The following BNC2 variants were observed in gnomAD, a reference collection of about 807,000 sequenced individuals.
The protein encoded by BNC2 is zinc finger protein basonuclin-2.
In BNC2, 20 loss-of-function variants were observed where a neutral mutation model predicts 76.3. The ratio of observed to expected loss-of-function variants is 0.26; its 90% confidence interval spans 0.18 to 0.38. The LOEUF is 0.38. BNC2 is among the 10% of genes least tolerant of loss of function. The pLI, the probability that BNC2 is intolerant of heterozygous loss-of-function variation, is 1.00. For missense variants in BNC2, 1,382 were observed against 1,399.8 expected (o/e 0.99, Z 0.20); for synonymous variants, 582 against 514.8 (o/e 1.13, Z -1.77).
chr9:16,869,613 GT>G (rs1371776573), intron 1 of BNC2, among the ~76,000 whole-genome samples: 1 of 152,170 alleles, frequency 6.6e-6, no homozygotes, highest in Non-Finnish European at 1.5e-5. Context: ...CCAAGTGGGG[GT>G]AACAATAGCG....
intron 1 of BNC2, among the ~76,000 whole-genome samples, chr9:16,805,005 T>C (rs1351132235): frequency 6.6e-6 from 1 of 152,012 alleles, no homozygotes; most frequent in South Asian, 2.1e-4. Context: ...GAGGTTGCAG[T>C]GAGCCGAGAC....
At chr9:16,791,186 C>T (rs1167002593) in intron 1 of BNC2, among the ~76,000 whole-genome samples, 1 of 151,972 alleles carries the variant, frequency 6.6e-6, no homozygotes, top group Non-Finnish European at 1.5e-5. Context: ...CTCAGCCTCC[C>T]GAGTAGCTGG....
chr9:16,741,957 CAAAAA>C (rs35573018), intron 1 of BNC2, among the ~76,000 whole-genome samples: 9 of 79,402 alleles, frequency 1.1e-4, no homozygotes, highest in South Asian at 1.1e-3. Flanking sequence ...GGCTCCATCT[CAAAAA>C]AAAAAAAAAA....
intron 4 of BNC2, among the ~76,000 whole-genome samples, chr9:16,570,673 T>C (rs1481678752): frequency 6.6e-6 from 1 of 152,172 alleles, no homozygotes; most frequent in African/African-American, 2.4e-5. Context: ...TATCTGCCGA[T>C]TTTTCCACTA....
chr9:16,608,738 T>C (rs1820454176), intron 3 of BNC2, among the ~76,000 whole-genome samples: 1 of 152,134 alleles, frequency 6.6e-6, no homozygotes, highest in African/African-American at 2.4e-5. Flanking sequence ...GATAAGTTGA[T>C]GTCATGAAAA....
intron 2 of BNC2, among the ~76,000 whole-genome samples, chr9:16,731,461 A>C (rs775366018): frequency 1.3e-5 from 2 of 152,140 alleles, no homozygotes; most frequent in Non-Finnish European, 2.9e-5. Context: ...CACACCACAT[A>C]AGTAGAAATA....
At chr9:16,437,621 A>G in intron 5 of BNC2, 97 bp from the exon 6 acceptor site, 1 of 1,416,952 alleles carries the variant, frequency 7.1e-7, no homozygotes, top group Non-Finnish European at 9.6e-7. Context: ...GTGTGCTCAT[A>G]AAACACTGAG....
chr9:16,431,057 A>C (rs895799522), intron 6 of BNC2, among the ~76,000 whole-genome samples: 1 of 152,228 alleles, frequency 6.6e-6, no homozygotes, highest in Non-Finnish European at 1.5e-5. Flanking sequence ...CTACTCTGAG[A>C]AGAAGAAAGG....
chr9:16,583,012 T>G lies in BNC2; in HGVS notation c.404A>C (p.Asp135Ala). The change falls in exon 4 of 7, where the codon GAT becomes GCT. Residue 135 changes from aspartate (D) to alanine (A), a missense_variant. Physicochemically the swap from Asp to Ala is moderately radical, Grantham distance 126 (BLOSUM62 -2). Around this residue, in one of 3 missense-constraint regions of BNC2, gnomAD observed 557 missense variants for 540.9 expected, o/e 1.03. Coordinates refer to ENST00000380672, the MANE Select transcript of BNC2 (RefSeq NM_017637.6). The stretch of plus-strand genomic sequence containing the variant: ...TGCCACCCAGCCATGTTTACACTGA[T>G]CACAAGTCCTCAGGTTAATCTTCCC... ...QPGKINLRTCDQCKHGWVAHA... is the reference protein window; with the variant it reads ...QPGKINLRTCAQCKHGWVAHA... The G allele has an allele frequency of 6.2e-7, 1 of 1,613,726 alleles. No individual in the cohort carries two copies. Among genetic ancestry groups the G allele is most frequent in the Non-Finnish European group, 8.5e-7 (1 of 1,179,944 alleles).
chr9:16,789,594 G>T (rs1023361888), intron 1 of BNC2, among the ~76,000 whole-genome samples: 1 of 152,154 alleles, frequency 6.6e-6, no homozygotes. Flanking sequence ...ATGTCTCCCT[G>T]CTTCTCCCAC....
intron 4 of BNC2, among the ~76,000 whole-genome samples, chr9:16,569,251 A>C (rs553536258): frequency 6.6e-6 from 1 of 152,076 alleles, no homozygotes; most frequent in South Asian, 2.1e-4. Flanking sequence ...TCATCTCTTA[A>C]TACATGAGGG....
Position 16,653,288 on chromosome 9 carries a change from G to C in BNC2, c.331-70203C>G, listed in dbSNP as rs532736860. On this transcript the variant is annotated intron_variant, in intron 3 of 6. Transcript: ENST00000380672. The stretch of plus-strand genomic sequence containing the variant: ...CCATCTCACCAAAGCTTTTGAAATA[G>C]AGAAGAGGGGAAACACACGCACTCA... Among the ~76,000 whole-genome samples the C allele has an allele frequency of 5.9e-5, 9 of 152,214 alleles. No individual in the cohort carries two copies. In the East Asian group the frequency reaches 1.6e-3, roughly 26 times the overall value.
At chr9:16,538,628 T>A (rs1443928901) in intron 5 of BNC2, among the ~76,000 whole-genome samples, 2 of 152,212 alleles carry the variant, frequency 1.3e-5, no homozygotes, top group Non-Finnish European at 2.9e-5. Flanking sequence ...CTGCTTACCT[T>A]CTATAATCTA....
intron 5 of BNC2, among the ~76,000 whole-genome samples, chr9:16,438,632 C>A (rs117524760): frequency 6.6e-6 from 1 of 152,156 alleles, no homozygotes; most frequent in African/African-American, 2.4e-5. Flanking sequence ...GGACAGCACA[C>A]TTTGTATCCC....
At chr9:16,861,932 T>C (rs1387437433) in intron 1 of BNC2, among the ~76,000 whole-genome samples, 1 of 151,026 alleles carries the variant, frequency 6.6e-6, no homozygotes, top group Non-Finnish European at 1.5e-5. Flanking sequence ...GAGCTTGCAG[T>C]GAGCCGAGAT....
chr9:16,530,155 T>C (rs1033538545), intron 5 of BNC2, among the ~76,000 whole-genome samples: 10 of 151,864 alleles, frequency 6.6e-5, no homozygotes, highest in African/African-American at 2.4e-4. Flanking sequence ...AAGTGAAGTG[T>C]TTTTTGTTTT....
Position 16,498,177 on chromosome 9 carries a change from A to G in BNC2, c.669+54353T>C. ...TTCCATCATATATATATTCTATCATATATATATTCCATCATATATATATTC... is the reference window on the plus strand; with the variant it reads ...TTCCATCATATATATATTCTATCATGTATATATTCCATCATATATATATTC... On this transcript the variant is annotated intron_variant, in intron 5 of 6. Coordinates refer to ENST00000380672, the MANE Select transcript of BNC2 (RefSeq NM_017637.6). Among the ~76,000 whole-genome samples, 2 of 126,512 alleles carry G rather than the reference A, an allele frequency of 1.6e-5. 1 individual carries two copies. Among genetic ancestry groups the G allele is most frequent in the Non-Finnish European group, 3.2e-5 (2 of 62,590 alleles). 83.0% of individuals were successfully genotyped at this position (126,512 alleles called of 152,430 possible).
At chr9:16,449,477 T>A (rs1241914646) in intron 5 of BNC2, among the ~76,000 whole-genome samples, 1 of 152,152 alleles carries the variant, frequency 6.6e-6, no homozygotes, top group Non-Finnish European at 1.5e-5. Flanking sequence ...ATCCCCTAAT[T>A]ACTGCATAAG....
chr9:16,594,471 T>TC (rs1437161693), intron 3 of BNC2, among the ~76,000 whole-genome samples: 2 of 152,146 alleles, frequency 1.3e-5, no homozygotes, highest in African/African-American at 4.8e-5. Context: ...TCAATCCATT[T>TC]CCTAAGCAAG....
Sources: gnomAD v4.1 joint callset for allele counts (sites outside exome capture counted in the v4.1 genomes callset) on GRCh38, gnomAD v4.1.1 for gene constraint, gnomAD v4.1.1 regional missense constraint, MANE v1.5 for transcripts, NCBI Gene and HGNC (gene_info 2026-07-23, HGNC 2026-07-21) for gene names.